Variants in BMPR1A observed in about 807,000 individuals in gnomAD.
BMPR1A encodes bone morphogenetic protein receptor type 1A, also known as bone morphogenetic protein receptor type-1A.
Under a neutral mutation model 66.0 loss-of-function variants are expected in BMPR1A, and 7 were observed. That is an observed-to-expected ratio of 0.11 (90% CI 0.06 to 0.20). The LOEUF (loss-of-function observed/expected upper bound fraction) is 0.20. Ranked by LOEUF, BMPR1A falls within the 10% of genes least tolerant of loss-of-function variation. BMPR1A has a pLI of 1.00. For synonymous variants in BMPR1A, 200 were observed against 229.7 expected, an observed-to-expected ratio of 0.87 and a Z score of 1.17; for missense variants, 408 against 669.1, an observed-to-expected ratio of 0.61 and a Z score of 4.31.
At position 86,799,469 on chromosome 10, in the gene BMPR1A, T is replaced by TCTTCCTTCCTTC. The variant is rs4029467; in HGVS notation, c.-267-39368_-267-39357dup. 5.9e-3 allele frequency among the ~76,000 whole-genome samples: 718 copies of TCTTCCTTCCTTC among 120,968 alleles called. 9 individuals are homozygous for TCTTCCTTCCTTC. Among genetic ancestry groups the TCTTCCTTCCTTC allele is most frequent in the African/African-American group, 0.016 (545 of 34,324 alleles). The allele number at this position is 120,968 out of a possible 152,430, so 79.4% of individuals were successfully genotyped here. On this transcript the variant is annotated intron_variant, in intron 1 of 12. Coordinates refer to ENST00000372037, the MANE Select transcript of BMPR1A (RefSeq NM_004329.3). ...TGTACATTTTCTTTCTTCCTTCCTTTCTTCCTTCCTTCCTTCCTTCCTTCC... is the reference window on the plus strand; with the variant it reads ...TGTACATTTTCTTTCTTCCTTCCTTTCTTCCTTCCTTCCTTCCTTCCTTCCTTCCTTCCTTCC...
chr10:86,864,471 C>T (rs958815321), intron 2 of BMPR1A, among the ~76,000 whole-genome samples: 1 of 152,200 alleles, frequency 6.6e-6, no homozygotes, highest in Non-Finnish European at 1.5e-5. Flanking sequence ...ATCAGTCCTC[C>T]AGGCCCTAGT....
intron 2 of BMPR1A, among the ~76,000 whole-genome samples, chr10:86,861,014 T>G (rs1019748010): frequency 1.1e-4 from 17 of 151,886 alleles, no homozygotes; most frequent in African/African-American, 4.1e-4. Context: ...GCTAATGTTT[T>G]GTATTTTTAG....
At chr10:86,834,232 A>G (rs1296158679) in intron 1 of BMPR1A, among the ~76,000 whole-genome samples, 2 of 152,210 alleles carry the variant, frequency 1.3e-5, no homozygotes, top group African/African-American at 4.8e-5. Flanking sequence ...TTCTAGCCCA[A>G]GTATTTTTTT....
intron 2 of BMPR1A, among the ~76,000 whole-genome samples, chr10:86,853,097 C>G (rs184157460): frequency 6.6e-6 from 1 of 152,158 alleles, no homozygotes; most frequent in Admixed American, 6.5e-5. Context: ...AATAAAATAT[C>G]TTGAATCACT....
At chr10:86,866,795 A>G (rs1322419244) in intron 2 of BMPR1A, among the ~76,000 whole-genome samples, 4 of 151,980 alleles carry the variant, frequency 2.6e-5, no homozygotes, top group Non-Finnish European at 4.4e-5. Flanking sequence ...GGTATACCCG[A>G]CAAAACACTG....
chr10:86,847,201 C>A (rs1423567144), intron 2 of BMPR1A, among the ~76,000 whole-genome samples: 1 of 152,080 alleles, frequency 6.6e-6, no homozygotes, highest in Admixed American at 6.6e-5. Flanking sequence ...GAACTTGCAG[C>A]TCCATATGGT....
chr10:86,774,467 G>C (rs1408374185), intron 1 of BMPR1A, among the ~76,000 whole-genome samples: 1 of 151,914 alleles, frequency 6.6e-6, no homozygotes, highest in Non-Finnish European at 1.5e-5. Flanking sequence ...AAAATTGTCA[G>C]AGATATACTC....
intron 2 of BMPR1A, among the ~76,000 whole-genome samples, chr10:86,867,949 T>C (rs968380094): frequency 1.3e-5 from 2 of 152,200 alleles, no homozygotes; most frequent in African/African-American, 4.8e-5. Context: ...TTGTTTTGAT[T>C]GTTAATTAAT....
intron 5 of BMPR1A, among the ~76,000 whole-genome samples, chr10:86,894,816 T>C (rs1258407245): frequency 6.6e-6 from 1 of 152,202 alleles, no homozygotes; most frequent in Non-Finnish European, 1.5e-5. Context: ...TAGAGCAGTC[T>C]TCATGCTGTT....
intron 1 of BMPR1A, among the ~76,000 whole-genome samples, chr10:86,817,155 G>A (rs1190843676): frequency 6.6e-6 from 1 of 152,072 alleles, no homozygotes; most frequent in Non-Finnish European, 1.5e-5. Context: ...CATTCATAAT[G>A]TTGTGCAACC....
chr10:86,848,350 G>A (rs1842514805), intron 2 of BMPR1A, among the ~76,000 whole-genome samples: 1 of 152,132 alleles, frequency 6.6e-6, no homozygotes, highest in Non-Finnish European at 1.5e-5. Flanking sequence ...GTAGAACAGT[G>A]CCTGGCCTAT....
chr10:86,877,221 T>C (rs982208570), intron 3 of BMPR1A, among the ~76,000 whole-genome samples: 10 of 151,554 alleles, frequency 6.6e-5, no homozygotes, highest in Non-Finnish European at 1.2e-4. Context: ...TTTTTTTTTT[T>C]TTTTGAGACA....
Position 86,927,951 on chromosome 10 carries a change from ATAACCT to A in BMPR1A, c.*4235_*4240del, listed in dbSNP as rs993689164. ...TGTCCAATGTATCATTTTGAAGTAA[ATAACCT>A]TATTTTAGTATACTTTAGTGATGTG... is the stretch of plus-strand genomic sequence containing the variant. On this transcript the variant is annotated 3_prime_UTR_variant, in exon 13 of 13. Transcript: ENST00000372037. 1 of 181,764 alleles carries A rather than the reference ATAACCT, an allele frequency of 5.5e-6. No individual in the cohort carries two copies. The highest frequency in any genetic ancestry group is 1.2e-5 in the Non-Finnish European group (1 of 85,300). The allele number at this position is 181,764 out of a possible 1,614,324, so 11.3% of individuals were successfully genotyped here.
chr10:86,918,833 G>T (rs1211802030), intron 9 of BMPR1A, among the ~76,000 whole-genome samples: 1 of 152,080 alleles, frequency 6.6e-6, no homozygotes, highest in Non-Finnish European at 1.5e-5. Context: ...CTGTTGGCCA[G>T]GCTGGTCTCG....
intron 1 of BMPR1A, among the ~76,000 whole-genome samples, chr10:86,788,562 C>G (rs1564684683): frequency 6.6e-6 from 1 of 152,156 alleles, no homozygotes; most frequent in Admixed American, 6.6e-5. Flanking sequence ...TTAAATGTCT[C>G]TTTTTTGAAG....
At chr10:86,760,412 A>G (rs1206242602) in intron 1 of BMPR1A, among the ~76,000 whole-genome samples, 2 of 150,724 alleles carry the variant, frequency 1.3e-5, no homozygotes, top group Non-Finnish European at 3.0e-5. Flanking sequence ...TAATTTTTGT[A>G]TTTTTAGTAG....
intron 2 of BMPR1A, among the ~76,000 whole-genome samples, chr10:86,869,392 G>A (rs1842824673): frequency 6.7e-6 from 1 of 150,138 alleles, no homozygotes; most frequent in South Asian, 2.1e-4. Context: ...AGGAGGTGAA[G>A]GTTGCAGTGA....
At chr10:86,815,942 C>T (rs1265167434) in intron 1 of BMPR1A, among the ~76,000 whole-genome samples, 1 of 152,184 alleles carries the variant, frequency 6.6e-6, no homozygotes. Flanking sequence ...CTCTTTCTTG[C>T]CTAGGATATC....
intron 4 of BMPR1A, 61 bp downstream of exon 4, chr10:86,890,285 TTTAAGAATTA>T: frequency 6.3e-7 from 1 of 1,593,442 alleles, no homozygotes; most frequent in Non-Finnish European, 8.6e-7. Flanking sequence ...TTAGTGCTAT[TTTAAGAATTA>T]TTAAACTTGT....
Sources: allele counts gnomAD v4.1 joint callset (sites outside exome capture counted in the v4.1 genomes callset), GRCh38; gene constraint gnomAD v4.1.1; transcripts MANE v1.5; gene names NCBI Gene and HGNC (gene_info 2026-07-23, HGNC 2026-07-21).